KIF23: variants seen among roughly 807,000 people sequenced by gnomAD.
KIF23 encodes kinesin-like protein KIF23.
A neutral mutation model predicts 137.5 loss-of-function variants in KIF23; 30 were observed. The observed-to-expected ratio is 0.22, with a 90% CI of 0.16 to 0.30. KIF23 has a LOEUF of 0.30. KIF23 is among the 10% of genes least tolerant of loss of function. The pLI, the probability that KIF23 is intolerant of heterozygous loss-of-function variation, is 1.00. For missense variants in KIF23, 920 were observed against 1,194.3 expected, an observed-to-expected ratio of 0.77 and a Z score of 3.38; for synonymous variants, 367 against 391.1, an observed-to-expected ratio of 0.94 and a Z score of 0.73.
At chr15:69,435,392 G>T in intron 11 of KIF23, 91 bp from the exon 12 acceptor site, 1 of 978,738 alleles carries the variant, frequency 1.0e-6, no homozygotes. Context: ...TCTAGTAGTT[G>T]TTTGAAGTTG....
intron 11 of KIF23, chr15:69,434,755 A>C (rs779922847): frequency 1.7e-6 from 2 of 1,196,060 alleles, no homozygotes; most frequent in Non-Finnish European, 2.5e-6. Context: ...CTGACTGGGC[A>C]GGAGGCCATA....
chr15:69,421,811 CTT>C (rs1567059493), intron 4 of KIF23, 59 bp downstream of exon 4: 19 of 1,353,830 alleles, frequency 1.4e-5, no homozygotes, highest in Admixed American at 3.9e-5. Context: ...TCTGATAAAA[CTT>C]TTTTGATATT....
At chr15:69,419,588 C>G (rs966188681) in intron 3 of KIF23, among the ~76,000 whole-genome samples, 2 of 152,178 alleles carry the variant, frequency 1.3e-5, no homozygotes, top group South Asian at 2.1e-4. Context: ...CAATCAGAAA[C>G]AGCACCCCAC....
intron 15 of KIF23, among the ~76,000 whole-genome samples, chr15:69,437,046 C>T (rs1363209274): frequency 2.0e-5 from 3 of 152,184 alleles, no homozygotes; most frequent in African/African-American, 7.2e-5. Context: ...TGAGCCACCA[C>T]TCCCAGCCAA....
rs780183905 is a variant in KIF23, at chr15:69,414,476, C to A, written c.11C>A (p.Ala4Glu). The A allele has an allele frequency of 1.3e-6, 2 of 1,584,886 alleles. No homozygotes were observed. The highest frequency in any genetic ancestry group is 1.7e-6 in the Non-Finnish European group (2 of 1,165,836). MKS[A>E]RAKTPRKPTV... is the part of the protein sequence containing the mutation. Reference sequence around the variant, plus strand: ...GTGGAGCCTGCTGCCATGAAGTCAGCGTGAGTACGAGGCCGCCGAGCAGGG... The same window carrying A: ...GTGGAGCCTGCTGCCATGAAGTCAGAGTGAGTACGAGGCCGCCGAGCAGGG... Residue 4 changes from alanine (A) to glutamate (E), a missense_variant and splice_region_variant, in exon 1 of 24, where the codon GCG becomes GAG. Around this residue, in one of 4 missense-constraint regions of KIF23, gnomAD observed 124 missense variants for 122.0 expected, o/e 1.02. Coordinates refer to ENST00000679126, the MANE Select transcript of KIF23 (RefSeq NM_001367805.3).
At chr15:69,436,797 C>T in intron 15 of KIF23, 75 bp downstream of exon 15, 1 of 979,338 alleles carries the variant, frequency 1.0e-6, no homozygotes, top group East Asian at 2.9e-5. Context: ...CTCTGTACCC[C>T]AGGGTGGAGT....
Position 69,414,485 on chromosome 15 carries a change from G to A in KIF23, c.11+9G>A. The A allele has an allele frequency of 1.3e-6, 2 of 1,578,754 alleles. No homozygotes were observed. The highest frequency in any genetic ancestry group is 1.7e-6 in the Non-Finnish European group (2 of 1,162,396). ...GCTGCCATGAAGTCAGCGTGAGTAC[G>A]AGGCCGCCGAGCAGGGAGAGAGGGC... On this transcript the variant is annotated intron_variant, in intron 1 of 23. Coordinates refer to ENST00000679126, the MANE Select transcript of KIF23 (RefSeq NM_001367805.3).
At chr15:69,431,975 G>T (rs576765254) in intron 11 of KIF23, among the ~76,000 whole-genome samples, 1 of 152,292 alleles carries the variant, frequency 6.6e-6, no homozygotes, top group Admixed American at 6.5e-5. Flanking sequence ...AGTGGACTGT[G>T]TGTGTGCTGT....
intron 3 of KIF23, 59 bp from the exon 4 acceptor site, chr15:69,421,588 T>C: frequency 9.7e-7 from 1 of 1,026,476 alleles, no homozygotes; most frequent in Non-Finnish European, 1.5e-6. Context: ...TAAGGAGATG[T>C]ATTTTTAGCC....
In KIF23 at chr15:69,445,033, C is replaced by A; in HGVS notation, c.2665C>A (p.Leu889Ile). Residue 889 changes from leucine (L) to isoleucine (I), a missense_variant, in exon 20 of 24, where the codon CTA becomes ATA. Coordinates refer to ENST00000679126, the MANE Select transcript of KIF23 (RefSeq NM_001367805.3). ...LASDGEIETK[L>I]IKGDIYKTRG... ...CTCCGATGGGGAGATTGAAACTAAA[C>A]TAATTAAGGTAAAAAACTAATTTTC... 6.2e-7 allele frequency: 1 copy of A among 1,603,136 alleles called. No individual in the cohort carries two copies. The highest frequency in any genetic ancestry group is 8.5e-7 in the Non-Finnish European group (1 of 1,175,274).
rs941752936 is a variant in KIF23, at chr15:69,414,542, A to T, written c.11+66A>T. 5 of 1,476,354 alleles carry T rather than the reference A, an allele frequency of 3.4e-6. No individual in the cohort carries two copies. In the African/African-American group the frequency reaches 5.7e-5, roughly 17 times the overall value. 91.5% of individuals were successfully genotyped at this position (1,476,354 alleles called of 1,614,324 possible). Reference sequence around the variant, plus strand: ...GGGCCGAGGCCTCGGGGCTGGGGGCAGGCGTCTCCACTCAGGCCGCGGCCG... The same window carrying T: ...GGGCCGAGGCCTCGGGGCTGGGGGCTGGCGTCTCCACTCAGGCCGCGGCCG... On this transcript the variant is annotated intron_variant, in intron 1 of 23. Coordinates refer to ENST00000679126, the MANE Select transcript of KIF23 (RefSeq NM_001367805.3).
At chr15:69,442,387 G>A (rs1175077987) in intron 19 of KIF23, among the ~76,000 whole-genome samples, 6 of 152,132 alleles carry the variant, frequency 3.9e-5, no homozygotes, top group Non-Finnish European at 7.3e-5. Flanking sequence ...CCAAGTTAAT[G>A]TTTGCGAATT....
Position 69,421,710 on chromosome 15 carries a change from G to C in KIF23, c.274G>C (p.Val92Leu), listed in dbSNP as rs137922672. Reference protein sequence around the residue: ...HTTQKELFDVVANPLVNDLIH... With the variant: ...HTTQKELFDVLANPLVNDLIH... Reference sequence around the variant, plus strand: ...CACCCAGAAGGAACTCTTTGATGTTGTGGCTAATCCCTTGGTCAATGACCT... The same window carrying C: ...CACCCAGAAGGAACTCTTTGATGTTCTGGCTAATCCCTTGGTCAATGACCT... Residue 92 changes from valine to leucine, a missense_variant, in exon 4 of 24, where the codon GTG becomes CTG. Transcript: ENST00000679126. 573 of 1,613,812 alleles carry C rather than the reference G, an allele frequency of 3.6e-4. 2 individuals carry two copies. In the African/African-American group the frequency reaches 7.0e-3, roughly 20 times the overall value.
intron 1 of KIF23, chr15:69,414,686 C>T (rs1365751337): frequency 2.0e-5 from 9 of 454,564 alleles, no homozygotes; most frequent in East Asian, 1.1e-4. Context: ...TGCCGCGTCG[C>T]CCCCCGCCGC....
At position 69,428,660 on chromosome 15, in the gene KIF23, C is replaced by CAAA. The variant is rs59950355; in HGVS notation, c.1012-428_1012-426dup. 5.0e-3 allele frequency among the ~76,000 whole-genome samples: 368 copies of CAAA among 74,068 alleles called. 23 individuals are homozygous for CAAA. The highest frequency in any genetic ancestry group is 0.018 in the African/African-American group (317 of 17,386). The allele number at this position is 74,068 out of a possible 152,430, so 48.6% of individuals were successfully genotyped here. Reference sequence around the variant, plus strand: ...GGAGGTAGAGCGAGACTCTGTCTCCCAAAAAAAAAAAAAAAAAAAAAAAAA... The same window carrying CAAA: ...GGAGGTAGAGCGAGACTCTGTCTCCCAAAAAAAAAAAAAAAAAAAAAAAAAAAA... On this transcript the variant is annotated intron_variant, in intron 10 of 23. Coordinates refer to ENST00000679126, the MANE Select transcript of KIF23 (RefSeq NM_001367805.3).
intron 12 of KIF23, 39 bp downstream of exon 12, chr15:69,435,601 T>C: frequency 6.2e-7 from 1 of 1,612,904 alleles, no homozygotes; most frequent in Non-Finnish European, 8.5e-7. Context: ...TATAGTTTCA[T>C]TTGTGTGCAT....
chr15:69,424,570 G>A (rs1283838371), intron 7 of KIF23, among the ~76,000 whole-genome samples: 1 of 152,156 alleles, frequency 6.6e-6, no homozygotes, highest in East Asian at 1.9e-4. Context: ...TGCCATGTCA[G>A]CTCACTGCAG....
At chr15:69,442,515 T>TGGG (rs1478182348) in intron 19 of KIF23, among the ~76,000 whole-genome samples, 1 of 152,226 alleles carries the variant, frequency 6.6e-6, no homozygotes, top group Non-Finnish European at 1.5e-5. Flanking sequence ...TTCATTTATG[T>TGGG]GGCCTGAATT....
intron 1 of KIF23, chr15:69,414,794 GTCCCGGGACAGCCTT>G: frequency 3.0e-6 from 1 of 329,716 alleles, no homozygotes; most frequent in Middle Eastern, 8.3e-4. Flanking sequence ...CCTCCTCGGG[GTCCCGGGACAGCCTT>G]TCCCTTCTCC....
Sources: allele counts gnomAD v4.1 joint callset (sites outside exome capture counted in the v4.1 genomes callset), GRCh38; gene constraint gnomAD v4.1.1; regional missense constraint gnomAD v4.1.1; transcripts MANE v1.5; gene names NCBI Gene and HGNC (gene_info 2026-07-23, HGNC 2026-07-21).